RBKS: variants seen among roughly 807,000 people sequenced by gnomAD.
RBKS encodes ribokinase.
In RBKS, 33 loss-of-function variants were observed where a neutral mutation model predicts 33.9. The observed-to-expected ratio is 0.97, with a 90% CI of 0.74 to 1.30. RBKS has a LOEUF of 1.30. RBKS is among the 50% of genes most tolerant of loss of function. The pLI, the probability that RBKS is intolerant of heterozygous loss-of-function variation, is 0.00. For missense variants in RBKS, 361 were observed against 392.6 expected, an observed-to-expected ratio of 0.92 and a Z score of 0.68; for synonymous variants, 125 against 143.0, an observed-to-expected ratio of 0.87 and a Z score of 0.90.
intron 7 of RBKS, among the ~76,000 whole-genome samples, chr2:27,796,807 C>T (rs1677675750): frequency 6.6e-6 from 1 of 152,176 alleles, no homozygotes; most frequent in Non-Finnish European, 1.5e-5. Flanking sequence ...GGGTGGGCAG[C>T]CTCTGCTGCT....
chr2:27,791,203 G>A (rs1677514599), intron 7 of RBKS, among the ~76,000 whole-genome samples: 1 of 152,142 alleles, frequency 6.6e-6, no homozygotes, highest in Non-Finnish European at 1.5e-5. Flanking sequence ...GTTTTGTGAT[G>A]GTGAATTTTA....
chr2:27,796,085 G>A (rs1235947505), intron 7 of RBKS, among the ~76,000 whole-genome samples: 2 of 152,186 alleles, frequency 1.3e-5, no homozygotes, highest in African/African-American at 2.4e-5. Flanking sequence ...TAGTGAAAAT[G>A]AAGGTTAGGT....
Position 27,837,868 on chromosome 2 carries a change from G to A in RBKS, c.515-5091C>T, listed in dbSNP as rs1232456300. Among the ~76,000 whole-genome samples, 2 of 152,108 alleles carry A rather than the reference G, an allele frequency of 1.3e-5. No individual in the cohort carries two copies. The highest frequency in any genetic ancestry group is 2.4e-5 in the African/African-American group (1 of 41,408). On this transcript the variant is annotated intron_variant, in intron 5 of 7. Coordinates refer to ENST00000302188, the MANE Select transcript of RBKS (RefSeq NM_022128.3). This position sits in a 1 kb window ranked among gnomAD's most constrained non-coding sequence, Gnocchi z 4.0. ...GTTGAAAAGCTACCTATTGAGTACC[G>A]TGCTCCCTACCTGGGCGCAATACTC...
Position 27,855,059 on chromosome 2 carries a change from C to T in RBKS, c.222+3380G>A, listed in dbSNP as rs114117339. Among the ~76,000 whole-genome samples, 1,268 of 152,140 alleles carry T rather than the reference C, an allele frequency of 8.3e-3. 12 individuals carry two copies. The highest frequency in any genetic ancestry group is 0.03 in the African/African-American group (1,228 of 41,524). On this transcript the variant is annotated intron_variant, in intron 2 of 7. Coordinates refer to ENST00000302188, the MANE Select transcript of RBKS (RefSeq NM_022128.3). ...GTGTTCTTACTACCCCCCGCCCCCC[C>T]ACCACACAAAGTTGCTTTTTCTTAT... is the stretch of plus-strand genomic sequence containing the variant.
intron 6 of RBKS, among the ~76,000 whole-genome samples, chr2:27,829,325 C>A (rs1276741873): frequency 6.6e-6 from 1 of 150,788 alleles, no homozygotes. Flanking sequence ...AAAGCTGTCA[C>A]ACATCAGTTC....
intron 1 of RBKS, among the ~76,000 whole-genome samples, chr2:27,887,362 T>A (rs948661661): frequency 7.9e-5 from 12 of 152,184 alleles, no homozygotes; most frequent in Admixed American, 7.2e-4. Context: ...TTTAGCCCAG[T>A]GAGACCTGTA....
intron 7 of RBKS, among the ~76,000 whole-genome samples, chr2:27,803,087 C>T (rs1012837689): frequency 5.3e-5 from 8 of 152,290 alleles, no homozygotes; most frequent in Non-Finnish European, 7.3e-5. Flanking sequence ...GCCTTGGCCT[C>T]CCAGAGTGTT....
intron 7 of RBKS, among the ~76,000 whole-genome samples, chr2:27,786,702 A>C (rs1034664947): frequency 6.7e-6 from 1 of 149,222 alleles, no homozygotes; most frequent in Non-Finnish European, 1.5e-5. Context: ...AACTGCTTGA[A>C]CCCGGGAGGT....
intron 7 of RBKS, among the ~76,000 whole-genome samples, chr2:27,816,685 G>A (rs571922344): frequency 1.3e-5 from 2 of 151,950 alleles, no homozygotes; most frequent in South Asian, 4.2e-4. Flanking sequence ...TGCAAGCTCC[G>A]CCTCCTGGGT....
chr2:27,867,957 T>C (rs1460277170), intron 1 of RBKS, among the ~76,000 whole-genome samples: 1 of 152,188 alleles, frequency 6.6e-6, no homozygotes, highest in Non-Finnish European at 1.5e-5. Flanking sequence ...TTAAATTCAC[T>C]GAAGACAAGA....
At chr2:27,875,231 C>T (rs186853144) in intron 1 of RBKS, among the ~76,000 whole-genome samples, 1 of 152,232 alleles carries the variant, frequency 6.6e-6, no homozygotes, top group East Asian at 1.9e-4. Context: ...GGCAAATAGG[C>T]AATATATTTC....
chr2:27,880,428 C>A (rs550308229), intron 1 of RBKS, among the ~76,000 whole-genome samples: 9 of 152,186 alleles, frequency 5.9e-5, no homozygotes, highest in African/African-American at 1.9e-4. Context: ...GCCAGAGTAA[C>A]CAGGCAAGAG....
At chr2:27,841,964 T>C (rs1397836190) in intron 5 of RBKS, among the ~76,000 whole-genome samples, 8 of 152,096 alleles carry the variant, frequency 5.3e-5, no homozygotes, top group Admixed American at 4.6e-4. Flanking sequence ...GAGAAGTGGA[T>C]TGAAGAGGAA....
chr2:27,809,651 T>C, intron 7 of RBKS: 2 of 277,760 alleles, frequency 7.2e-6, no homozygotes, highest in Non-Finnish European at 1.4e-5. Context: ...GTTAATCCAA[T>C]AGGACTTAGT....
intron 5 of RBKS, among the ~76,000 whole-genome samples, chr2:27,840,478 C>T (rs560485072): frequency 7.2e-5 from 11 of 151,864 alleles, no homozygotes; most frequent in Admixed American, 2.6e-4. Context: ...AGAAAGCCAC[C>T]GGACTGGAGG....
chr2:27,865,451 A>G (rs983724750), intron 1 of RBKS, among the ~76,000 whole-genome samples: 9 of 152,168 alleles, frequency 5.9e-5, no homozygotes, highest in Non-Finnish European at 1.0e-4. Flanking sequence ...CTTCATAGCA[A>G]TATCACTACA....
At chr2:27,850,435 C>T (rs1383352176) in intron 2 of RBKS, among the ~76,000 whole-genome samples, 1 of 152,196 alleles carries the variant, frequency 6.6e-6, no homozygotes, top group Non-Finnish European at 1.5e-5. Flanking sequence ...TAGTACTATA[C>T]ACAATAGTTT....
At chr2:27,826,875 G>T (rs1678323035) in intron 7 of RBKS, among the ~76,000 whole-genome samples, 1 of 152,084 alleles carries the variant, frequency 6.6e-6, no homozygotes, top group African/African-American at 2.4e-5. Flanking sequence ...TGTCTGTGTG[G>T]AGTCCATATG....
chr2:27,805,825 C>T (rs1248667349), intron 7 of RBKS, among the ~76,000 whole-genome samples: 3 of 152,034 alleles, frequency 2.0e-5, no homozygotes, highest in South Asian at 2.1e-4. Context: ...TCCACCCACA[C>T]TGGCCTCTCA....
Sources: allele counts gnomAD v4.1 joint callset (sites outside exome capture counted in the v4.1 genomes callset), GRCh38; gene constraint gnomAD v4.1.1; non-coding constraint Gnocchi (gnomAD v3.1); transcripts MANE v1.5; gene names NCBI Gene and HGNC (gene_info 2026-07-23, HGNC 2026-07-21).